Variants in SYN3 observed in about 807,000 individuals in gnomAD.
SYN3 encodes the protein synapsin-3.
Under a neutral mutation model 65.8 loss-of-function variants are expected in SYN3, and 35 were observed. The observed-to-expected ratio is 0.53, with a 90% confidence interval of 0.41 to 0.70. The LOEUF (loss-of-function observed/expected upper bound fraction) is 0.70. SYN3 is among the 30% of genes least tolerant of loss of function. SYN3 has a pLI of 0.00. For missense variants in SYN3, 680 were observed against 749.0 expected (o/e 0.91, Z 1.08); for synonymous variants, 270 against 292.9 (o/e 0.92, Z 0.80).
intron 6 of SYN3, among the ~76,000 whole-genome samples, chr22:32,803,749 T>A (rs1281364950): frequency 6.6e-6 from 1 of 152,138 alleles, no homozygotes; most frequent in Non-Finnish European, 1.5e-5. Flanking sequence ...ATCACACACG[T>A]GCGGCCAGGA....
chr22:32,705,923 T>C (rs1028576503), intron 6 of SYN3, among the ~76,000 whole-genome samples: 3 of 152,226 alleles, frequency 2.0e-5, no homozygotes, highest in Non-Finnish European at 4.4e-5. Context: ...TGCTGAAACT[T>C]TGCTGAAGTT....
chr22:32,659,786 C>G (rs2060191788), intron 6 of SYN3, among the ~76,000 whole-genome samples: 1 of 152,134 alleles, frequency 6.6e-6, no homozygotes. Context: ...GCCAGGCAAC[C>G]AGGTGGCAAG....
intron 6 of SYN3, among the ~76,000 whole-genome samples, chr22:32,726,005 C>A (rs550324475): frequency 6.6e-6 from 1 of 152,252 alleles, no homozygotes; most frequent in Non-Finnish European, 1.5e-5. Flanking sequence ...GTACATGCCT[C>A]CTTTTCATCT....
At chr22:32,683,566 G>T (rs1285724448) in intron 6 of SYN3, among the ~76,000 whole-genome samples, 3 of 152,228 alleles carry the variant, frequency 2.0e-5, no homozygotes, top group Admixed American at 6.5e-5. Flanking sequence ...GGTGGTTGAT[G>T]GCAATCTTTG....
chr22:32,727,156 C>A (rs965636520), intron 6 of SYN3, among the ~76,000 whole-genome samples: 2 of 152,120 alleles, frequency 1.3e-5, no homozygotes, highest in African/African-American at 4.8e-5. Context: ...CACCCTCCTG[C>A]AAGGCTCAGT....
chr22:32,569,269 A>ATCTATCTGTCTG lies in SYN3; in HGVS notation c.774+27404_774+27405insCAGACAGATAGA, dbSNP rs879291795. Among the ~76,000 whole-genome samples, 407 of 144,164 alleles carry ATCTATCTGTCTG rather than the reference A, an allele frequency of 2.8e-3. 2 individuals carry two copies. The highest frequency in any genetic ancestry group is 9.8e-3 in the African/African-American group (390 of 39,996). The allele number at this position is 144,164 out of a possible 152,430, so 94.6% of individuals were successfully genotyped here. A position where few individuals can be genotyped will look rare whatever the true frequency, so the allele number is the denominator to read the frequency against. ...CTATGCATCCAAAATCTATCTATCTATCTATCTATCTATCTATCTATCTAT... is the reference window on the plus strand; with the variant it reads ...CTATGCATCCAAAATCTATCTATCTATCTATCTGTCTGTCTATCTATCTATCTATCTATCTAT... On this transcript the variant is annotated intron_variant, in intron 7 of 13. Coordinates refer to ENST00000358763, the MANE Select transcript of SYN3 (RefSeq NM_003490.4).
intron 6 of SYN3, among the ~76,000 whole-genome samples, chr22:32,743,897 A>G (rs535846794): frequency 4.5e-4 from 69 of 152,144 alleles, no homozygotes; most frequent in African/African-American, 1.6e-3. Flanking sequence ...GTGTCATGGA[A>G]AACCCAGCTC....
intron 6 of SYN3, among the ~76,000 whole-genome samples, chr22:32,851,370 A>G (rs2048212713): frequency 6.6e-6 from 1 of 152,174 alleles, no homozygotes; most frequent in Non-Finnish European, 1.5e-5. Context: ...CAGGGTGACC[A>G]GAGGCCCTTC....
At position 32,982,329 on chromosome 22, in the gene SYN3, T is replaced by C. The variant is rs577791657; in HGVS notation, c.312-1627A>G. Among the ~76,000 whole-genome samples the C allele has an allele frequency of 8.5e-5, 13 of 152,216 alleles. No individual in the cohort carries two copies. In the South Asian group the frequency reaches 1.5e-3, roughly 17 times the overall value. ...GTCCTCATTTGTTCCTTTGTCTATC[T>C]GCCATCCGTCCGTCCTTCCTTCCTT... On this transcript the variant is annotated intron_variant, in intron 2 of 13. Coordinates refer to ENST00000358763, the MANE Select transcript of SYN3 (RefSeq NM_003490.4).
intron 6 of SYN3, among the ~76,000 whole-genome samples, chr22:32,836,537 C>CT (rs1283330230): frequency 2.0e-5 from 3 of 152,206 alleles, no homozygotes; most frequent in African/African-American, 7.2e-5. Flanking sequence ...TTTGGATCTT[C>CT]TCTTTAATCA....
intron 7 of SYN3, among the ~76,000 whole-genome samples, chr22:32,564,783 T>C (rs1370227677): frequency 7.2e-6 from 1 of 139,696 alleles, no homozygotes; most frequent in Admixed American, 7.3e-5. Flanking sequence ...CAAACAGTGC[T>C]CCTGGGCTGC....
intron 6 of SYN3, among the ~76,000 whole-genome samples, chr22:32,791,173 ACT>A (rs1360025856): frequency 6.6e-6 from 1 of 152,218 alleles, no homozygotes; most frequent in Non-Finnish European, 1.5e-5. Flanking sequence ...ATACCTTTAC[ACT>A]TGTATATTAC....
chr22:32,879,419 A>C (rs1267195659), intron 4 of SYN3, among the ~76,000 whole-genome samples: 2 of 152,214 alleles, frequency 1.3e-5, no homozygotes, highest in African/African-American at 4.8e-5. Context: ...TCTGGAGGCT[A>C]AGAAGTCCAG....
chr22:32,566,500 G>C (rs1038898241), intron 7 of SYN3, among the ~76,000 whole-genome samples: 1 of 152,210 alleles, frequency 6.6e-6, no homozygotes, highest in African/African-American at 2.4e-5. Flanking sequence ...AAGGCAGCCA[G>C]CATGGTGTCC....
intron 6 of SYN3, among the ~76,000 whole-genome samples, chr22:32,612,049 AG>A (rs151125379): frequency 0.037 from 5,655 of 152,270 alleles, 354 homozygotes; most frequent in African/African-American, 0.13. Context: ...TCCGTGTGCT[AG>A]GAGGGTGGTG....
At chr22:32,796,043 C>A (rs1166161076) in intron 6 of SYN3, among the ~76,000 whole-genome samples, 2 of 152,116 alleles carry the variant, frequency 1.3e-5, no homozygotes, top group African/African-American at 2.4e-5. Flanking sequence ...GAGCATGCAA[C>A]CTTCAAAGAA....
At chr22:32,851,801 C>A (rs183379414) in intron 6 of SYN3, among the ~76,000 whole-genome samples, 2 of 152,248 alleles carry the variant, frequency 1.3e-5, no homozygotes, top group African/African-American at 4.8e-5. Context: ...TCACTCTGAC[C>A]CTCCATAGAG....
chr22:32,603,815 C>T (rs557133935), intron 6 of SYN3, among the ~76,000 whole-genome samples: 1 of 152,236 alleles, frequency 6.6e-6, no homozygotes, highest in African/African-American at 2.4e-5. Flanking sequence ...ATCAGCCTCT[C>T]ACAGGCTCCC....
At chr22:32,668,613 G>C (rs1300337183) in intron 6 of SYN3, among the ~76,000 whole-genome samples, 1 of 151,812 alleles carries the variant, frequency 6.6e-6, no homozygotes, top group Non-Finnish European at 1.5e-5. Flanking sequence ...GAAGCTGCAG[G>C]TATTTCAAGG....
Sources: allele counts gnomAD v4.1 joint callset (sites outside exome capture counted in the v4.1 genomes callset), GRCh38; gene constraint gnomAD v4.1.1; transcripts MANE v1.5; gene names NCBI Gene and HGNC (gene_info 2026-07-23, HGNC 2026-07-21).